SYTL3: variants seen among roughly 807,000 people sequenced by gnomAD.
The protein encoded by SYTL3 is synaptotagmin like 3.
Under a neutral mutation model 82.1 loss-of-function variants are expected in SYTL3, and 88 were observed. That is an observed-to-expected ratio of 1.07 (90% confidence interval 0.90 to 1.28). The LOEUF (loss-of-function observed/expected upper bound fraction) is 1.28. Among genes scored for constraint, SYTL3 ranks in the 50% most tolerant of loss-of-function variants. The probability of loss-of-function intolerance (pLI) is 0.00; values close to 1 mark genes in which losing one functional copy is unlikely to be tolerated. For missense variants in SYTL3, 831 were observed against 757.6 expected (o/e 1.10, Z -1.14); for synonymous variants, 311 against 289.4 (o/e 1.07, Z -0.76).
rs760696887 is a variant in SYTL3 at position 158,762,082 on chromosome 6, A to G, written c.1421A>G (p.Asp474Gly). The change falls in exon 16 of 18, where the codon GAT becomes GGT. Residue 474 changes from aspartate to glycine, a missense_variant. Asp to Gly is a moderately conservative substitution (Grantham distance 94, BLOSUM62 -1). Coordinates refer to ENST00000611299, the MANE Select transcript of SYTL3 (RefSeq NM_001242394.2). ...ATACTGGCTTTCCTTCCAGGGACAG[A>G]TCAGCCATCACTTCATGGTCAACTT... ...RKLQEAQEGT[D>G]QPSLHGQLCL... 6.2e-7 allele frequency: 1 copy of G among 1,612,996 alleles called. No individual in the cohort carries two copies. Among genetic ancestry groups the G allele is most frequent in the South Asian group, 1.1e-5 (1 of 91,026 alleles).
chr6:158,693,954 A>G (rs75557931), intron 6 of SYTL3, among the ~76,000 whole-genome samples: 5,889 of 149,826 alleles, frequency 0.039, 415 homozygotes, highest in African/African-American at 0.14. Context: ...TGGCCTCCCA[A>G]ATTGCTAAGA....
chr6:158,674,085 A>AAATAATAATAAT lies in SYTL3; in HGVS notation c.329+8497_329+8508dup, dbSNP rs71298903. 9.1e-4 allele frequency among the ~76,000 whole-genome samples: 115 copies of AAATAATAATAAT among 126,040 alleles called. 1 individual carries two copies. Among genetic ancestry groups the AAATAATAATAAT allele is most frequent in the African/African-American group, 2.3e-3 (80 of 35,192 alleles). The allele number at this position is 126,040 out of a possible 152,430, so 82.7% of individuals were successfully genotyped here. A position where few individuals can be genotyped will look rare whatever the true frequency, so the allele number is the denominator to read the frequency against. On this transcript the variant is annotated intron_variant, in intron 5 of 17. Coordinates refer to ENST00000611299, the MANE Select transcript of SYTL3 (RefSeq NM_001242394.2). ...GGCAACATAGTGAGACTGTGTCTCA[A>AAATAATAATAAT]AATAATAATAATAATAATAATAATA...
chr6:158,756,493 TGAGGTCAGGAGTTCG>T (rs1202213445), intron 13 of SYTL3, among the ~76,000 whole-genome samples: 2 of 152,168 alleles, frequency 1.3e-5, no homozygotes, highest in African/African-American at 4.8e-5. Flanking sequence ...GTGGGTCATT[TGAGGTCAGGAGTTCG>T]AGACCAACCT....
chr6:158,742,372 C>A (rs956571497), intron 11 of SYTL3, among the ~76,000 whole-genome samples: 1 of 152,204 alleles, frequency 6.6e-6, no homozygotes, highest in African/African-American at 2.4e-5. Flanking sequence ...GAATCTTTAT[C>A]TAGTCTGAGG....
At chr6:158,748,135 T>G (rs1787906809) in intron 12 of SYTL3, among the ~76,000 whole-genome samples, 1 of 151,778 alleles carries the variant, frequency 6.6e-6, no homozygotes, top group Admixed American at 6.6e-5. Context: ...TGATTTTCTA[T>G]ATATAGTTTA....
rs1360941841 is a variant in SYTL3, at chr6:158,747,591, C to T, written c.1034+1933C>T. 4.6e-5 allele frequency among the ~76,000 whole-genome samples: 7 copies of T among 152,300 alleles called. No individual in the cohort carries two copies. The East Asian group carries it at 1.2e-3, about 25-fold the overall frequency. ...CAGCCTCCTGAGTAGTTGGGAGGCACATGCTTGTAGTCTCAGCTATGTAGG... is the reference window on the plus strand; with the variant it reads ...CAGCCTCCTGAGTAGTTGGGAGGCATATGCTTGTAGTCTCAGCTATGTAGG... On this transcript the variant is annotated intron_variant, in intron 12 of 17. Coordinates refer to ENST00000611299, the MANE Select transcript of SYTL3 (RefSeq NM_001242394.2).
chr6:158,700,278 TAAAC>T (rs928178395), intron 6 of SYTL3, among the ~76,000 whole-genome samples: 3 of 151,814 alleles, frequency 2.0e-5, no homozygotes, highest in East Asian at 1.9e-4. Context: ...AATAAACAAA[TAAAC>T]AAAACATTTT....
At position 158,756,710 on chromosome 6, in the gene SYTL3, CAAA is replaced by C. The variant is rs375826558; in HGVS notation, c.1138-494_1138-492del. ...CTGGTGACAGAGCGAGATCCTGTCT[CAAA>C]AAAAAATTTTTTTTTTTTTTTTTTT... is the stretch of plus-strand genomic sequence containing the variant. On this transcript the variant is annotated intron_variant, in intron 13 of 17. Coordinates refer to ENST00000611299, the MANE Select transcript of SYTL3 (RefSeq NM_001242394.2). Among the ~76,000 whole-genome samples the C allele has an allele frequency of 2.2e-3, 211 of 96,984 alleles. 1 individual carries two copies. Among genetic ancestry groups the C allele is most frequent in the East Asian group, 0.011 (36 of 3,152 alleles). 63.6% of individuals were successfully genotyped at this position (96,984 alleles called of 152,430 possible). A position where few individuals can be genotyped will look rare whatever the true frequency, so the allele number is the denominator to read the frequency against.
chr6:158,745,378 A>T, intron 11 of SYTL3, 102 bp from the exon 12 acceptor site: 1 of 1,009,810 alleles, frequency 9.9e-7, no homozygotes, highest in African/African-American at 1.6e-5. Flanking sequence ...GAGTCAGGAT[A>T]CATGCTGTAT....
At chr6:158,722,131 G>A (rs1784180810) in intron 10 of SYTL3, among the ~76,000 whole-genome samples, 1 of 149,590 alleles carries the variant, frequency 6.7e-6, no homozygotes, top group Non-Finnish European at 1.5e-5. Context: ...CACAGAAGTA[G>A]TAGATAACTT....
At chr6:158,727,157 C>CTTTATTTTAATTTTA (rs1407479238) in intron 11 of SYTL3, among the ~76,000 whole-genome samples, 11 of 151,388 alleles carry the variant, frequency 7.3e-5, no homozygotes, top group African/African-American at 2.7e-4. Context: ...GCTGAACTTT[C>CTTTATTTTAATTTTA]TTTATTTTAA....
intron 11 of SYTL3, 119 bp from the exon 12 acceptor site, chr6:158,745,361 T>G: frequency 6.9e-6 from 6 of 874,978 alleles, no homozygotes; most frequent in Non-Finnish European, 6.9e-6. Flanking sequence ...CATTATTAAC[T>G]TGATGTGAGT....
intron 2 of SYTL3, among the ~76,000 whole-genome samples, chr6:158,652,323 A>G (rs1788111147): frequency 6.6e-6 from 1 of 151,916 alleles, no homozygotes; most frequent in Non-Finnish European, 1.5e-5. Context: ...ATTTCAGCTC[A>G]CTGCAAGCTC....
At chr6:158,731,012 T>C (rs1018295672) in intron 11 of SYTL3, among the ~76,000 whole-genome samples, 3 of 152,018 alleles carry the variant, frequency 2.0e-5, no homozygotes, top group Admixed American at 6.6e-5. Context: ...GGGCCGGGCG[T>C]GGTGGCTCAC....
chr6:158,652,820 C>T (rs1254733204), intron 2 of SYTL3, among the ~76,000 whole-genome samples: 2 of 152,128 alleles, frequency 1.3e-5, no homozygotes, highest in Non-Finnish European at 2.9e-5. Flanking sequence ...GGATTACAGG[C>T]GTGAGCCACC....
chr6:158,697,337 C>A (rs925601213), intron 6 of SYTL3, among the ~76,000 whole-genome samples: 22 of 150,244 alleles, frequency 1.5e-4, no homozygotes, highest in Non-Finnish European at 3.0e-4. Flanking sequence ...GTGGTCCCAG[C>A]TACTTGGGAG....
At chr6:158,674,038 C>G (rs775093110) in intron 5 of SYTL3, among the ~76,000 whole-genome samples, 2 of 149,722 alleles carry the variant, frequency 1.3e-5, no homozygotes, top group Non-Finnish European at 3.0e-5. Flanking sequence ...GAGCCGAGAT[C>G]GCACCACCGC....
chr6:158,709,850 A>C (rs899577697), intron 8 of SYTL3, among the ~76,000 whole-genome samples: 6 of 152,222 alleles, frequency 3.9e-5, no homozygotes, highest in Non-Finnish European at 7.3e-5. Flanking sequence ...CAGCCTGGGC[A>C]ACATAGCAAG....
chr6:158,715,702 C>G (rs1392842387), intron 9 of SYTL3, among the ~76,000 whole-genome samples: 1 of 135,712 alleles, frequency 7.4e-6, no homozygotes, highest in Non-Finnish European at 1.6e-5. Context: ...TTTCTGGCTG[C>G]TGGGAGTGGT....
Sources: allele counts gnomAD v4.1 joint callset (sites outside exome capture counted in the v4.1 genomes callset), GRCh38; gene constraint gnomAD v4.1.1; transcripts MANE v1.5; gene names NCBI Gene and HGNC (gene_info 2026-07-23, HGNC 2026-07-21).